KIF13A: variants seen among roughly 807,000 people sequenced by gnomAD.
KIF13A encodes the protein kinesin-like protein KIF13A.
A neutral mutation model predicts 212.2 loss-of-function variants in KIF13A; 79 were observed. That is an observed-to-expected ratio of 0.37 (90% confidence interval 0.31 to 0.45). The LOEUF (loss-of-function observed/expected upper bound fraction) is 0.45. Among genes scored for constraint, KIF13A ranks in the 20% least tolerant of loss-of-function variants. The pLI is 1.00. For missense variants in KIF13A, 1,901 were observed against 2,209.0 expected, an observed-to-expected ratio of 0.86 and a Z score of 2.79; for synonymous variants, 789 against 808.6, an observed-to-expected ratio of 0.98 and a Z score of 0.41.
chr6:17,796,531 C>T, intron 23 of KIF13A, 138 bp downstream of exon 23: 1 of 541,712 alleles, frequency 1.8e-6, no homozygotes. Context: ...TGAGCCACCG[C>T]ACCTGGCCAT....
chr6:17,946,598 T>C (rs1423856773), intron 2 of KIF13A, among the ~76,000 whole-genome samples: 3 of 152,230 alleles, frequency 2.0e-5, no homozygotes, highest in Admixed American at 2.0e-4. Context: ...TCATTTCACA[T>C]GCTCTGCATC....
Position 17,850,442 on chromosome 6 carries a change from T to C in KIF13A, c.598A>G (p.Met200Val). 1 of 1,613,054 alleles carries C rather than the reference T, an allele frequency of 6.2e-7. No individual in the cohort carries two copies. The highest frequency in any genetic ancestry group is 8.5e-7 in the Non-Finnish European group (1 of 1,179,506). ...GTTCGAGACTTATTTCCCTCAGACA[T>C]CAATGACTCAATATCCTAGGGGCAA... ...VTSFEDIESL[M>V]SEGNKSRTVA... Residue 200 changes from methionine to valine, a missense_variant, in exon 8 of 39, where the codon ATG becomes GTG. By Grantham distance (21) the Met-to-Val change is conservative. Coordinates refer to ENST00000259711, the MANE Select transcript of KIF13A (RefSeq NM_022113.6). The surrounding 1 kb of genome is among the most constrained non-coding windows in gnomAD (Gnocchi z 6.2).
At chr6:17,774,987 A>G (rs930793282) in intron 35 of KIF13A, 28 bp downstream of exon 35, 1 of 1,592,180 alleles carries the variant, frequency 6.3e-7, no homozygotes, top group African/African-American at 1.3e-5. Context: ...ATTCTACTAA[A>G]AACCTAGCCA....
intron 2 of KIF13A, among the ~76,000 whole-genome samples, chr6:17,980,983 C>G (rs186020388): frequency 1.8e-4 from 26 of 148,566 alleles, no homozygotes; most frequent in Non-Finnish European, 2.4e-4. Flanking sequence ...ATTAAAACCA[C>G]TAAAAGTGGT....
At chr6:17,976,765 G>A (rs1780549640) in intron 2 of KIF13A, among the ~76,000 whole-genome samples, 1 of 146,530 alleles carries the variant, frequency 6.8e-6, no homozygotes, top group Non-Finnish European at 1.5e-5. Flanking sequence ...TCACGCCACC[G>A]CACTCTATCC....
chr6:17,852,828 T>A lies in KIF13A; in HGVS notation c.495-786A>T, dbSNP rs137992700. ...ACACTATTTTATACAGAAAGTGAGATTATAGTACAGAGTTTGTTTATAATT... is the reference window on the plus strand; with the variant it reads ...ACACTATTTTATACAGAAAGTGAGAATATAGTACAGAGTTTGTTTATAATT... On this transcript the variant is annotated intron_variant, in intron 6 of 38. Transcript: ENST00000259711. Among the ~76,000 whole-genome samples, 21 of 152,368 alleles carry A rather than the reference T, an allele frequency of 1.4e-4. No individual in the cohort carries two copies. The East Asian group carries it at 3.9e-3, about 28-fold the overall frequency.
chr6:17,916,106 T>A (rs745537742), intron 2 of KIF13A, among the ~76,000 whole-genome samples: 9 of 152,134 alleles, frequency 5.9e-5, no homozygotes, highest in Non-Finnish European at 1.2e-4. Flanking sequence ...TCTCTGCCAA[T>A]GACATGTCTG....
At chr6:17,803,225 C>A (rs1442780421) in intron 20 of KIF13A, among the ~76,000 whole-genome samples, 1 of 152,072 alleles carries the variant, frequency 6.6e-6, no homozygotes, top group Non-Finnish European at 1.5e-5. Flanking sequence ...TGAGCCACTG[C>A]ACTCTGCCCA....
intron 2 of KIF13A, among the ~76,000 whole-genome samples, chr6:17,928,540 G>A (rs1775695130): frequency 6.6e-6 from 1 of 152,218 alleles, no homozygotes; most frequent in South Asian, 2.1e-4. Context: ...GGGATTGAGG[G>A]AAAAGGAAAT....
chr6:17,983,389 C>T (rs1440083993), intron 2 of KIF13A, among the ~76,000 whole-genome samples: 1 of 151,844 alleles, frequency 6.6e-6, no homozygotes, highest in Non-Finnish European at 1.5e-5. Flanking sequence ...CTGTGTATGT[C>T]ACCCTTTTTA....
chr6:17,796,805 C>G lies in KIF13A; in HGVS notation c.2806G>C (p.Val936Leu), dbSNP rs867482809. Reference sequence around the variant, plus strand: ...ATGAACTCCAGAAATTCTTCTGTTACATTCACCACATAGTCCTGGGATAAG... The same window carrying G: ...ATGAACTCCAGAAATTCTTCTGTTAGATTCACCACATAGTCCTGGGATAAG... ...FSHCKDYVVN[V>L]TEEFLEFISD... The change falls in exon 23 of 39, where the codon GTA (valine) becomes CTA (leucine). Residue 936 changes from valine (V) to leucine (L), a missense_variant. Coordinates refer to ENST00000259711, the MANE Select transcript of KIF13A (RefSeq NM_022113.6). The G allele has an allele frequency of 2.6e-6, 4 of 1,563,930 alleles. No individual in the cohort carries two copies. The South Asian group carries it at 4.7e-5, about 18-fold the overall frequency.
At chr6:17,959,911 T>A (rs754741696) in intron 2 of KIF13A, among the ~76,000 whole-genome samples, 5 of 151,868 alleles carry the variant, frequency 3.3e-5, no homozygotes, top group Non-Finnish European at 7.4e-5. Context: ...TAATACCAGC[T>A]ACTTGGGAGC....
intron 2 of KIF13A, among the ~76,000 whole-genome samples, chr6:17,976,008 C>T (rs1266556507): frequency 6.6e-6 from 1 of 152,184 alleles, no homozygotes; most frequent in Non-Finnish European, 1.5e-5. Context: ...ACACAGGGTG[C>T]TGATTGGTAT....
intron 9 of KIF13A, among the ~76,000 whole-genome samples, chr6:17,848,980 C>T (rs188546985): frequency 1.3e-5 from 2 of 152,122 alleles, no homozygotes; most frequent in East Asian, 1.9e-4. Flanking sequence ...TGTAGTGGTG[C>T]AATCTTGATT....
intron 2 of KIF13A, among the ~76,000 whole-genome samples, chr6:17,970,195 T>TG (rs1254918521): frequency 1.3e-5 from 2 of 152,196 alleles, no homozygotes; most frequent in Non-Finnish European, 2.9e-5. Flanking sequence ...GTGCTGGGAT[T>TG]ACAGGCGTGA....
At chr6:17,806,142 G>A (rs910090815) in intron 18 of KIF13A, among the ~76,000 whole-genome samples, 2 of 151,496 alleles carry the variant, frequency 1.3e-5, no homozygotes, top group South Asian at 2.1e-4. Context: ...TATGTTGCCC[G>A]GGCTGGTCTC....
chr6:17,807,961 A>C (rs1763112208), intron 18 of KIF13A, among the ~76,000 whole-genome samples: 1 of 152,238 alleles, frequency 6.6e-6, no homozygotes, highest in Admixed American at 6.5e-5. Context: ...TTTTCTTCAA[A>C]GTTTCTCCCT....
chr6:17,985,334 GA>G (rs1308443630), intron 2 of KIF13A, among the ~76,000 whole-genome samples: 1 of 152,120 alleles, frequency 6.6e-6, no homozygotes, highest in African/African-American at 2.4e-5. Flanking sequence ...GGTTCAGCCC[GA>G]AAAATGATCA....
intron 2 of KIF13A, among the ~76,000 whole-genome samples, chr6:17,959,762 G>A (rs757613333): frequency 2.0e-5 from 3 of 152,130 alleles, no homozygotes; most frequent in East Asian, 1.9e-4. Flanking sequence ...AGTGGCTCAC[G>A]CCCGTAATCC....
Sources: allele counts gnomAD v4.1 joint callset (sites outside exome capture counted in the v4.1 genomes callset), GRCh38; gene constraint gnomAD v4.1.1; non-coding constraint Gnocchi (gnomAD v3.1); transcripts MANE v1.5; gene names NCBI Gene and HGNC (gene_info 2026-07-23, HGNC 2026-07-21).